The following TRAK1 variants were observed in gnomAD, a reference collection of about 807,000 sequenced individuals.
TRAK1 encodes the protein trafficking kinesin-binding protein 1.
Under a neutral mutation model 92.1 loss-of-function variants are expected in TRAK1, and 33 were observed. The ratio of observed to expected loss-of-function variants is 0.36; its 90% CI spans 0.27 to 0.48. The LOEUF is 0.48. TRAK1 is among the 20% of genes least tolerant of loss of function. The probability of loss-of-function intolerance (pLI) is 0.99; values close to 1 mark genes in which losing one functional copy is unlikely to be tolerated. For synonymous variants in TRAK1, 521 were observed against 517.3 expected, an observed-to-expected ratio of 1.01 and a Z score of -0.10; for missense variants, 1,123 against 1,257.9, an observed-to-expected ratio of 0.89 and a Z score of 1.62.
At position 42,024,336 on chromosome 3, in the gene TRAK1, A is replaced by G. The variant is rs1044306144; in HGVS notation, c.-519+10219A>G. Among the ~76,000 whole-genome samples, 32 of 152,222 alleles carry G rather than the reference A, an allele frequency of 2.1e-4. 1 individual carries two copies. The highest frequency in any genetic ancestry group is 5.2e-4 in the Admixed American group (8 of 15,272). The stretch of plus-strand genomic sequence containing the variant: ...TAAAATATCTTTTGGGTTTGTTTAT[A>G]CATAGTAGGTATGCAGATATTTCTA... On this transcript the variant is annotated intron_variant, in intron 1 of 16. Transcript: ENST00000487159.
chr3:42,170,303 TA>T (rs1702385173), intron 2 of TRAK1, among the ~76,000 whole-genome samples: 1 of 152,218 alleles, frequency 6.6e-6, no homozygotes, highest in Non-Finnish European at 1.5e-5. Flanking sequence ...TTTAGAATTT[TA>T]TGGAAAGCTT....
intron 1 of TRAK1, among the ~76,000 whole-genome samples, chr3:42,038,523 C>T (rs761696937): frequency 1.9e-4 from 29 of 152,252 alleles, no homozygotes; most frequent in Non-Finnish European, 4.0e-4. Context: ...CAGTGGCTCG[C>T]GCCTGTAATC....
intron 2 of TRAK1, among the ~76,000 whole-genome samples, chr3:42,163,997 A>G (rs146460161): frequency 1.9e-4 from 29 of 152,336 alleles, no homozygotes; most frequent in African/African-American, 7.0e-4. Flanking sequence ...CCTGACATGA[A>G]AGAAGCAAGG....
At chr3:42,178,167 A>T (rs559319486) in intron 3 of TRAK1, among the ~76,000 whole-genome samples, 1 of 143,530 alleles carries the variant, frequency 7.0e-6, no homozygotes, top group East Asian at 2.2e-4. Context: ...GAGGGGTCCT[A>T]ATCTGTACCT....
chr3:42,169,184 T>C (rs1268504128), intron 2 of TRAK1, among the ~76,000 whole-genome samples: 1 of 152,092 alleles, frequency 6.6e-6, no homozygotes. Context: ...TCTATAATTT[T>C]CCTTTTCTTA....
chr3:42,115,545 C>T (rs1257032077), intron 1 of TRAK1, among the ~76,000 whole-genome samples: 1 of 152,134 alleles, frequency 6.6e-6, no homozygotes, highest in Admixed American at 6.5e-5. Flanking sequence ...GTACGTGACA[C>T]CAGGCTATGT....
chr3:42,182,484 G>A (rs1234883522), intron 3 of TRAK1, among the ~76,000 whole-genome samples: 1 of 152,074 alleles, frequency 6.6e-6, no homozygotes, highest in East Asian at 1.9e-4. Context: ...GCAGAGACGG[G>A]GTTTTGCCAT....
intron 1 of TRAK1, among the ~76,000 whole-genome samples, chr3:42,015,105 G>A (rs981858933): frequency 1.3e-5 from 2 of 152,290 alleles, no homozygotes; most frequent in East Asian, 1.9e-4. Context: ...AACAGGCTGG[G>A]AGCTTGACTG....
chr3:42,019,668 C>T (rs560798550), intron 1 of TRAK1, among the ~76,000 whole-genome samples: 4 of 152,238 alleles, frequency 2.6e-5, no homozygotes, highest in African/African-American at 7.2e-5. Context: ...AAATGTAGAA[C>T]ATATATGATA....
At chr3:42,187,565 TCAAG>T (rs1485759657) in intron 4 of TRAK1, among the ~76,000 whole-genome samples, 1 of 152,114 alleles carries the variant, frequency 6.6e-6, no homozygotes, top group African/African-American at 2.4e-5. Context: ...CCTCCCGTGT[TCAAG>T]CAATTCTCCT....
In TRAK1 at chr3:42,020,151, C is replaced by A. The variant is rs1307690372; in HGVS notation, c.-519+6034C>A. Among the ~76,000 whole-genome samples the A allele has an allele frequency of 2.0e-5, 3 of 152,322 alleles. No homozygotes were observed. In the East Asian group the frequency reaches 5.8e-4, roughly 29 times the overall value. On this transcript the variant is annotated intron_variant, in intron 1 of 16. Coordinates refer to the TRAK1 transcript ENST00000487159. Reference sequence around the variant, plus strand: ...GGGACAATGCTGTCTCGGTTTCTGCCTGACTTTTGGTTGCTACTGTGTTCT... The same window carrying A: ...GGGACAATGCTGTCTCGGTTTCTGCATGACTTTTGGTTGCTACTGTGTTCT...
At chr3:42,140,100 C>T (rs375504798) in intron 2 of TRAK1, among the ~76,000 whole-genome samples, 4 of 152,130 alleles carry the variant, frequency 2.6e-5, no homozygotes, top group Admixed American at 2.0e-4. Context: ...AGAACTACAT[C>T]GAGGCCAGGA....
At chr3:42,126,278 C>T (rs1447968847) in intron 2 of TRAK1, among the ~76,000 whole-genome samples, 1 of 151,942 alleles carries the variant, frequency 6.6e-6, no homozygotes, top group Non-Finnish European at 1.5e-5. Flanking sequence ...TTGGGAATAT[C>T]CAGGCTTCTC....
At chr3:42,099,032 G>T (rs1706353072) in intron 1 of TRAK1, among the ~76,000 whole-genome samples, 1 of 152,008 alleles carries the variant, frequency 6.6e-6, no homozygotes, top group Non-Finnish European at 1.5e-5. Flanking sequence ...GGAGAGCTGT[G>T]GGGGAAGGGG....
At chr3:42,149,659 T>TG in intron 2 of TRAK1, 4 of 1,534,302 alleles carry the variant, frequency 2.6e-6, no homozygotes, top group Non-Finnish European at 3.5e-6. Flanking sequence ...TCCTTCTGGG[T>TG]GGGGGGTGTC....
chr3:42,050,019 G>C (rs1353655375), intron 1 of TRAK1, among the ~76,000 whole-genome samples: 1 of 152,158 alleles, frequency 6.6e-6, no homozygotes, highest in Admixed American at 6.5e-5. Flanking sequence ...GTTGACAGTA[G>C]GGCTGTGTTA....
At chr3:42,035,022 C>G (rs964616530) in intron 1 of TRAK1, among the ~76,000 whole-genome samples, 5 of 152,236 alleles carry the variant, frequency 3.3e-5, no homozygotes, top group African/African-American at 1.2e-4. Context: ...CATTGCCGGT[C>G]TCACCAAAGT....
At chr3:42,211,572 T>C in intron 14 of TRAK1, 3 of 985,372 alleles carry the variant, frequency 3.0e-6, no homozygotes, top group Non-Finnish European at 3.6e-6. Context: ...GGGTAGGCCT[T>C]ATGTTGATTG....
intron 13 of TRAK1, chr3:42,203,072 C>A: frequency 3.2e-6 from 4 of 1,237,152 alleles, no homozygotes; most frequent in Non-Finnish European, 1.0e-6. Flanking sequence ...GCGGTAGAGG[C>A]ACTGCTAACT....
Sources: allele counts gnomAD v4.1 joint callset (sites outside exome capture counted in the v4.1 genomes callset), GRCh38; gene constraint gnomAD v4.1.1; transcripts MANE v1.5; gene names NCBI Gene and HGNC (gene_info 2026-07-23, HGNC 2026-07-21).